ACTN4: variants seen among roughly 807,000 people sequenced by gnomAD.
The protein encoded by ACTN4 is alpha-actinin-4.
In ACTN4, 18 loss-of-function variants were observed where a neutral mutation model predicts 114.2. The ratio of observed to expected loss-of-function variants is 0.16; its 90% CI spans 0.11 to 0.23. The LOEUF is 0.23. ACTN4 is among the 10% of genes least tolerant of loss of function. The probability of loss-of-function intolerance (pLI) is 1.00; values close to 1 mark genes in which losing one functional copy is unlikely to be tolerated. For missense variants in ACTN4, 722 were observed against 1,262.9 expected, an observed-to-expected ratio of 0.57 and a Z score of 6.49; for synonymous variants, 515 against 506.3, an observed-to-expected ratio of 1.02 and a Z score of -0.23.
chr19:38,667,003 G>A (rs1371423040), intron 1 of ACTN4, among the ~76,000 whole-genome samples: 1 of 152,182 alleles, frequency 6.6e-6, no homozygotes, highest in Admixed American at 6.5e-5. Context: ...CTAATTATCA[G>A]CGAGCATGAG....
chr19:38,721,729 C>T (rs369964394), intron 12 of ACTN4, 41 bp downstream of exon 12: 38 of 1,606,166 alleles, frequency 2.4e-5, no homozygotes, highest in African/African-American at 6.7e-5. Context: ...CTGGCTCTCA[C>T]CACAGCCTGC....
chr19:38,668,078 G>A (rs1426370643), intron 1 of ACTN4, among the ~76,000 whole-genome samples: 4 of 152,176 alleles, frequency 2.6e-5, no homozygotes, highest in Non-Finnish European at 4.4e-5. Flanking sequence ...CTCAGATGAG[G>A]TTGTAATGTG....
intron 1 of ACTN4, among the ~76,000 whole-genome samples, chr19:38,674,804 G>A (rs947072734): frequency 3.3e-5 from 5 of 152,178 alleles, no homozygotes; most frequent in African/African-American, 1.2e-4. Flanking sequence ...GGCCCACAGT[G>A]CCTCTTGGAA....
Position 38,727,509 on chromosome 19 carries a change from C to T in ACTN4, c.2337+406C>T, listed in dbSNP as rs1359385194. Reference sequence around the variant, plus strand: ...GAGCGCCAGAGTTTGCTGCCATCCCCAGCCCACCCCTGCCGGGCTGACGGA... The same window carrying T: ...GAGCGCCAGAGTTTGCTGCCATCCCTAGCCCACCCCTGCCGGGCTGACGGA... On this transcript the variant is annotated intron_variant, in intron 18 of 20. Coordinates refer to ENST00000252699, the MANE Select transcript of ACTN4 (RefSeq NM_004924.6). The surrounding 1 kb of genome is among the most constrained non-coding windows in gnomAD (Gnocchi z 5.4). Among the ~76,000 whole-genome samples the T allele has an allele frequency of 6.6e-6, 1 of 152,160 alleles. No individual in the cohort carries two copies.
chr19:38,727,347 A>G lies in ACTN4; in HGVS notation c.2337+244A>G, dbSNP rs1385010997. On this transcript the variant is annotated intron_variant, in intron 18 of 20. Coordinates refer to ENST00000252699, the MANE Select transcript of ACTN4 (RefSeq NM_004924.6). This position sits in a 1 kb window ranked among gnomAD's most constrained non-coding sequence, Gnocchi z 5.4. ...CCCAAGTCCTGCCTTCTGGGGTGGC[A>G]TCCTCACCACCCCCAGGGCAGATGA... Among the ~76,000 whole-genome samples, 1 of 152,114 alleles carries G rather than the reference A, an allele frequency of 6.6e-6. No individual in the cohort carries two copies. Among genetic ancestry groups the G allele is most frequent in the Non-Finnish European group, 1.5e-5 (1 of 68,000 alleles).
intron 1 of ACTN4, among the ~76,000 whole-genome samples, chr19:38,699,647 C>T (rs1200381128): frequency 2.0e-5 from 3 of 151,656 alleles, no homozygotes. Flanking sequence ...CCCAGCTACT[C>T]AGGAGGCTGA....
At chr19:38,657,334 G>C (rs897623830) in intron 1 of ACTN4, among the ~76,000 whole-genome samples, 6 of 152,080 alleles carry the variant, frequency 3.9e-5, no homozygotes, top group Non-Finnish European at 7.4e-5. Context: ...GTAGAGACAG[G>C]GTTTCACCAT....
chr19:38,658,261 AG>A (rs1335015616), intron 1 of ACTN4, among the ~76,000 whole-genome samples: 1 of 152,210 alleles, frequency 6.6e-6, no homozygotes, highest in Non-Finnish European at 1.5e-5. Flanking sequence ...TTTGTAGCCT[AG>A]AAGAGTGCTT....
chr19:38,670,484 T>A (rs1003225016), intron 1 of ACTN4, among the ~76,000 whole-genome samples: 2 of 151,992 alleles, frequency 1.3e-5, no homozygotes, highest in African/African-American at 4.8e-5. Context: ...TATCACATGG[T>A]AGGTGAGGTG....
intron 1 of ACTN4, among the ~76,000 whole-genome samples, chr19:38,673,475 T>TCATATATATTTATATATATTCA (rs1555826087): frequency 7.8e-5 from 5 of 64,244 alleles, no homozygotes; most frequent in Admixed American, 1.9e-4. Context: ...TTATATATAT[T>TCATATATATTTATATATATTCA]TATATATATA....
chr19:38,647,959 G>T (rs758965604), intron 1 of ACTN4, 52 bp downstream of exon 1: 2 of 1,413,074 alleles, frequency 1.4e-6, no homozygotes, highest in East Asian at 2.9e-5. Flanking sequence ...GAGGGGGCCC[G>T]GGGAGGGGTG....
chr19:38,669,089 C>T (rs62121814), intron 1 of ACTN4, among the ~76,000 whole-genome samples: 54,995 of 151,978 alleles, frequency 0.36, 11,560 homozygotes, highest in Non-Finnish European at 0.46. Context: ...TGGGTTCAAG[C>T]GATTCTCCTA....
At chr19:38,662,930 CAG>C (rs1050280546) in intron 1 of ACTN4, among the ~76,000 whole-genome samples, 6 of 149,120 alleles carry the variant, frequency 4.0e-5, no homozygotes, top group East Asian at 3.9e-4. Context: ...TTTTTAAAGA[CAG>C]AGTTTCCCTC....
rs906241177 is a variant in ACTN4, at chr19:38,727,579, C to T, written c.2338-367C>T. 5.9e-5 allele frequency among the ~76,000 whole-genome samples: 9 copies of T among 152,028 alleles called. No individual in the cohort carries two copies. The highest frequency in any genetic ancestry group is 2.0e-4 in the Admixed American group (3 of 15,256). On this transcript the variant is annotated intron_variant, in intron 18 of 20. Coordinates refer to ENST00000252699, the MANE Select transcript of ACTN4 (RefSeq NM_004924.6). The surrounding 1 kb of genome is among the most constrained non-coding windows in gnomAD (Gnocchi z 5.4). The stretch of plus-strand genomic sequence containing the variant: ...AGCTCTGCACCTGGCGCCCCCAGGA[C>T]AGGATACAGTCCCCTCTGTCCCACT...
rs978666552 is a variant in ACTN4 at position 38,730,677 on chromosome 19, C to T, written c.*1245C>T. On this transcript the variant is annotated 3_prime_UTR_variant, in exon 21 of 21. Coordinates refer to ENST00000252699, the MANE Select transcript of ACTN4 (RefSeq NM_004924.6). ...AGAAGGGCTGTCGCTGTTCTTGTTT[C>T]TGAGTGAGGAGTACGCAGGCCAGAG... The T allele has an allele frequency of 4.3e-6, 3 of 700,544 alleles. No homozygotes were observed. The highest frequency in any genetic ancestry group is 7.2e-6 in the Non-Finnish European group (3 of 415,304). The allele number at this position is 700,544 out of a possible 1,614,324, so 43.4% of individuals were successfully genotyped here.
In ACTN4 at chr19:38,730,595, G is replaced by C; in HGVS notation, c.*1163G>C. On this transcript the variant is annotated 3_prime_UTR_variant, in exon 21 of 21. Transcript: ENST00000252699. ...GTCCTCCACCTTCTAGGAGAGCCAG[G>C]GCAGAGCTAGCACTGTCTTAAGCTG... 1.7e-6 allele frequency: 1 copy of C among 571,830 alleles called. No homozygotes were observed. The highest frequency in any genetic ancestry group is 3.1e-6 in the Non-Finnish European group (1 of 319,802). The allele number at this position is 571,830 out of a possible 1,614,324, so 35.4% of individuals were successfully genotyped here.
chr19:38,651,781 G>C (rs921051793), intron 1 of ACTN4, among the ~76,000 whole-genome samples: 2 of 152,056 alleles, frequency 1.3e-5, no homozygotes, highest in African/African-American at 4.8e-5. Context: ...CTGTCACCAG[G>C]CTGGAGTGCA....
chr19:38,656,221 C>A (rs1197149925), intron 1 of ACTN4, among the ~76,000 whole-genome samples: 2 of 152,104 alleles, frequency 1.3e-5, no homozygotes, highest in Non-Finnish European at 2.9e-5. Flanking sequence ...CAAGCCATCC[C>A]CCCACCTCAG....
In ACTN4 at chr19:38,717,407, TAA is replaced by T; in HGVS notation, c.1143+92_1143+93del. ...GCAGTTTGGCCAGCGTAATCTTTCCTAAGTTGTTGATGTCCTGTGGGACATGG... is the reference window on the plus strand; with the variant it reads ...GCAGTTTGGCCAGCGTAATCTTTCCTGTTGTTGATGTCCTGTGGGACATGG... On this transcript the variant is annotated intron_variant, in intron 10 of 20. Transcript: ENST00000252699. The surrounding 1 kb of genome is among the most constrained non-coding windows in gnomAD (Gnocchi z 4.0). 1 of 1,503,440 alleles carries T rather than the reference TAA, an allele frequency of 6.7e-7. No homozygotes were observed. Among genetic ancestry groups the T allele is most frequent in the Non-Finnish European group, 9.0e-7 (1 of 1,110,968 alleles). The allele number at this position is 1,503,440 out of a possible 1,614,324, so 93.1% of individuals were successfully genotyped here. A position where few individuals can be genotyped will look rare whatever the true frequency, so the allele number is the denominator to read the frequency against.
Sources: gnomAD v4.1 joint callset for allele counts (sites outside exome capture counted in the v4.1 genomes callset) on GRCh38, gnomAD v4.1.1 for gene constraint, Gnocchi (gnomAD v3.1) non-coding constraint, MANE v1.5 for transcripts, NCBI Gene and HGNC (gene_info 2026-07-23, HGNC 2026-07-21) for gene names.